The following CD46 variants were observed in gnomAD, a reference collection of about 807,000 sequenced individuals.
CD46 encodes the protein CD46 molecule, also known as membrane cofactor protein.
CD46 carries 30 observed loss-of-function variants against 53.3 expected under a neutral mutation model. The ratio of observed to expected loss-of-function variants is 0.56; its 90% confidence interval spans 0.42 to 0.76. The LOEUF (loss-of-function observed/expected upper bound fraction) is 0.76. Among genes scored for constraint, CD46 ranks in the 30% least tolerant of loss-of-function variants. The pLI is 0.00. For missense variants in CD46, 409 were observed against 463.0 expected (o/e 0.88, Z 1.07); for synonymous variants, 142 against 152.0 (o/e 0.93, Z 0.48).
chr1:207,753,608 C>T (rs753643541), intron 1 of CD46, among the ~76,000 whole-genome samples: 4 of 152,046 alleles, frequency 2.6e-5, no homozygotes, highest in Non-Finnish European at 5.9e-5. Context: ...GAGGTGAAGG[C>T]TGCAGTGAGC....
In CD46 at chr1:207,795,292, T is replaced by A. The variant is rs906902316; in HGVS notation, c.*1815T>A. The A allele has an allele frequency of 2.0e-5, 3 of 152,190 alleles. No homozygotes were observed. The highest frequency in any genetic ancestry group is 4.4e-5 in the Non-Finnish European group (3 of 68,036). 9.4% of individuals were successfully genotyped at this position (152,190 alleles called of 1,614,324 possible). On this transcript the variant is annotated 3_prime_UTR_variant, in exon 13 of 13. Transcript: ENST00000367042. ...TTAGAGATCTATATATGTATAAATATGTATTTTGTCAAATTTGTTACTTAA... is the reference window on the plus strand; with the variant it reads ...TTAGAGATCTATATATGTATAAATAAGTATTTTGTCAAATTTGTTACTTAA...
intron 5 of CD46, chr1:207,762,619 C>CG (rs1656350319): frequency 6.6e-6 from 1 of 152,164 alleles, no homozygotes; most frequent in Non-Finnish European, 1.5e-5. Flanking sequence ...CTCCTGCAGC[C>CG]GGCAGGGGCA....
At chr1:207,790,598 C>G (rs1272119135) in intron 12 of CD46, among the ~76,000 whole-genome samples, 1 of 152,200 alleles carries the variant, frequency 6.6e-6, no homozygotes. Context: ...ATCAGACGAT[C>G]TCACTTCTAC....
At position 207,757,642 on chromosome 1, in the gene CD46, G is replaced by T. The variant is rs748690076; in HGVS notation, c.389G>T (p.Gly130Val). ...GYQMHFICNE[G>V]YYLIGEEILY... ...CAGATGCACTTTATTTGTAATGAGG[G>T]GTAAGTTGCTCCTTAGAGGAAATAA... The change falls in exon 3 of 13, where the codon GGT becomes GTT. Residue 130 changes from glycine (G) to valine (V), a missense_variant and splice_region_variant. Gly to Val is a moderately radical substitution (Grantham distance 109). Coordinates refer to ENST00000367042, the MANE Select transcript of CD46 (RefSeq NM_172351.3). 3 of 1,578,358 alleles carry T rather than the reference G, an allele frequency of 1.9e-6. No individual in the cohort carries two copies. Among genetic ancestry groups the T allele is most frequent in the South Asian group, 1.1e-5 (1 of 89,542 alleles).
intron 9 of CD46, 166 bp downstream of exon 9, chr1:207,783,496 C>A: frequency 1.9e-6 from 1 of 524,020 alleles, no homozygotes; most frequent in Non-Finnish European, 3.5e-6. Flanking sequence ...AATTTTCTTT[C>A]CACATTATAT....
chr1:207,759,491 G>T (rs1655940721), intron 3 of CD46, 148 bp from the exon 4 acceptor site: 1 of 596,400 alleles, frequency 1.7e-6, no homozygotes, highest in Middle Eastern at 4.6e-4. Context: ...GATTTATTTA[G>T]CACTTTCGTT....
At chr1:207,772,133 A>G (rs1168494557) in intron 8 of CD46, among the ~76,000 whole-genome samples, 2 of 152,094 alleles carry the variant, frequency 1.3e-5, no homozygotes, top group Admixed American at 1.3e-4. Context: ...TGTAAGTTGG[A>G]TTCCTAGGTA....
At chr1:207,779,023 G>A (rs1361169795) in intron 8 of CD46, among the ~76,000 whole-genome samples, 4 of 152,030 alleles carry the variant, frequency 2.6e-5, no homozygotes, top group Admixed American at 1.3e-4. Context: ...TGTATTCCTA[G>A]GTATTTTATT....
At chr1:207,756,664 T>G (rs1484589324) in intron 1 of CD46, among the ~76,000 whole-genome samples, 1 of 152,232 alleles carries the variant, frequency 6.6e-6, no homozygotes, top group African/African-American at 2.4e-5. Flanking sequence ...TACTCTATAC[T>G]GTAGAAGACT....
intron 3 of CD46, among the ~76,000 whole-genome samples, chr1:207,758,283 C>T (rs1167840124): frequency 6.6e-6 from 1 of 151,990 alleles, no homozygotes; most frequent in Non-Finnish European, 1.5e-5. Flanking sequence ...TGAGGCTAGG[C>T]ATTTATAAAG....
chr1:207,792,894 GAAAAT>G (rs1659931539), intron 12 of CD46, among the ~76,000 whole-genome samples: 1 of 152,148 alleles, frequency 6.6e-6, no homozygotes, highest in African/African-American at 2.4e-5. Flanking sequence ...CTCGGTTAAA[GAAAAT>G]AAAATTATTT....
Position 207,767,660 on chromosome 1 carries a change from GCTTCTTCCTTATATGT to G in CD46, c.857-102_857-87del, listed in dbSNP as rs757892917. 4.0e-5 allele frequency: 65 copies of G among 1,611,426 alleles called. No homozygotes were observed. Among genetic ancestry groups the G allele is most frequent in the Middle Eastern group, 1.7e-4 (1 of 6,056 alleles). On this transcript the variant is annotated intron_variant, in intron 6 of 12. Coordinates refer to ENST00000367042, the MANE Select transcript of CD46 (RefSeq NM_172351.3). ...AGCTTTGAGTCATTCAGGTTTAGTA[GCTTCTTCCTTATATGT>G]CTTCTTCCTTATATGTTACAAGATA...
intron 8 of CD46, among the ~76,000 whole-genome samples, chr1:207,780,184 C>T (rs1221698569): frequency 6.6e-6 from 1 of 151,992 alleles, no homozygotes; most frequent in East Asian, 1.9e-4. Context: ...CTCCCTATCC[C>T]CATCACCTGA....
intron 1 of CD46, among the ~76,000 whole-genome samples, chr1:207,756,504 A>C (rs1312871079): frequency 6.6e-6 from 1 of 152,218 alleles, no homozygotes; most frequent in East Asian, 1.9e-4. Flanking sequence ...CAGTGTCAGC[A>C]TTTCTTGTGC....
intron 8 of CD46, among the ~76,000 whole-genome samples, chr1:207,781,786 C>G: frequency 6.6e-6 from 1 of 152,106 alleles, no homozygotes; most frequent in South Asian, 2.1e-4. Context: ...GTCTGTATGT[C>G]TGCCTTTTTG....
intron 7 of CD46, chr1:207,769,765 C>G (rs1339113737): frequency 6.8e-6 from 1 of 147,586 alleles, no homozygotes; most frequent in Non-Finnish European, 1.5e-5. Flanking sequence ...CAAGCACATT[C>G]CCTTTTTTTT....
chr1:207,777,908 G>C (rs578143532), intron 8 of CD46, among the ~76,000 whole-genome samples: 1 of 152,304 alleles, frequency 6.6e-6, no homozygotes, highest in East Asian at 1.9e-4. Flanking sequence ...CCCACGAACA[G>C]CATATAAGTG....
intron 11 of CD46, 155 bp downstream of exon 11, chr1:207,785,837 C>A: frequency 1.6e-6 from 1 of 619,116 alleles, no homozygotes; most frequent in Non-Finnish European, 2.9e-6. Context: ...CATTTCTTTG[C>A]TAAAAATATT....
chr1:207,770,097 G>A, intron 7 of CD46: 2 of 523,228 alleles, frequency 3.8e-6, no homozygotes, highest in East Asian at 3.4e-5. Flanking sequence ...TATCTTCTAA[G>A]ATTTCCATTA....
Sources: gnomAD v4.1 joint callset for allele counts (sites outside exome capture counted in the v4.1 genomes callset) on GRCh38, gnomAD v4.1.1 for gene constraint, MANE v1.5 for transcripts, NCBI Gene and HGNC (gene_info 2026-07-23, HGNC 2026-07-21) for gene names.